Variants in SOX6 observed in about 807,000 individuals in gnomAD.
SOX6 encodes the protein transcription factor SOX-6.
In SOX6, 11 loss-of-function variants were observed where a neutral mutation model predicts 97.8. The ratio of observed to expected loss-of-function variants is 0.11; its 90% CI spans 0.07 to 0.19. SOX6 has a LOEUF of 0.19. SOX6 is among the 10% of genes least tolerant of loss of function. The pLI, the probability that SOX6 is intolerant of heterozygous loss-of-function variation, is 1.00. For synonymous variants in SOX6, 360 were observed against 371.4 expected, an observed-to-expected ratio of 0.97 and a Z score of 0.35; for missense variants, 810 against 1,039.5, an observed-to-expected ratio of 0.78 and a Z score of 3.04.
intron 6 of SOX6, among the ~76,000 whole-genome samples, chr11:16,160,544 C>T (rs529821775): frequency 1.3e-5 from 2 of 152,032 alleles, no homozygotes; most frequent in African/African-American, 4.8e-5. Context: ...AATTACTTTA[C>T]GGGGTGGAGG....
chr11:16,496,089 C>T (rs1488696569), intron 4 of SOX6, among the ~76,000 whole-genome samples: 1 of 152,150 alleles, frequency 6.6e-6, no homozygotes, highest in Non-Finnish European at 1.5e-5. Context: ...GAAGAGTCCT[C>T]TGCTATAAAT....
intron 3 of SOX6, among the ~76,000 whole-genome samples, chr11:16,656,398 C>T (rs757904679): frequency 3.3e-5 from 5 of 152,064 alleles, no homozygotes; most frequent in South Asian, 2.1e-4. Context: ...TAGTACATGA[C>T]GTACCAGGAG....
intron 6 of SOX6, among the ~76,000 whole-genome samples, chr11:16,133,035 C>G (rs1849861242): frequency 6.6e-6 from 1 of 152,038 alleles, no homozygotes. Context: ...AAAGATCTAA[C>G]TCAGACCCCA....
At chr11:16,735,649 T>C (rs1848385659) in intron 2 of SOX6, among the ~76,000 whole-genome samples, 1 of 152,220 alleles carries the variant, frequency 6.6e-6, no homozygotes, top group Non-Finnish European at 1.5e-5. Context: ...CTACATTATT[T>C]TAAGCAAGTA....
chr11:16,615,814 G>C (rs974800496), intron 3 of SOX6, among the ~76,000 whole-genome samples: 8 of 152,158 alleles, frequency 5.3e-5, no homozygotes, highest in African/African-American at 1.9e-4. Flanking sequence ...CAGATGAAAA[G>C]TGAAATTTCT....
At chr11:16,155,197 A>G (rs7126432) in intron 6 of SOX6, among the ~76,000 whole-genome samples, 8,574 of 152,152 alleles carry the variant, frequency 0.056, 631 homozygotes, top group East Asian at 0.37. Flanking sequence ...AGTGGTTAGG[A>G]TCCAGGGCTC....
At chr11:16,142,144 T>G (rs1198715744) in intron 6 of SOX6, among the ~76,000 whole-genome samples, 1 of 152,136 alleles carries the variant, frequency 6.6e-6, no homozygotes, top group African/African-American at 2.4e-5. Flanking sequence ...GGCACCCCTC[T>G]GAGACAAAGC....
intron 4 of SOX6, among the ~76,000 whole-genome samples, chr11:16,547,078 G>A (rs1209061560): frequency 1.3e-5 from 2 of 152,140 alleles, no homozygotes; most frequent in African/African-American, 2.4e-5. Context: ...TCTTGCCCCA[G>A]TTAGAATGGC....
intron 3 of SOX6, among the ~76,000 whole-genome samples, chr11:16,691,794 A>G (rs1195485454): frequency 6.6e-6 from 1 of 152,076 alleles, no homozygotes; most frequent in Non-Finnish European, 1.5e-5. Context: ...TAAAACCCTG[A>G]CTCAAAAGAA....
At chr11:16,163,843 T>C (rs1410680225) in intron 6 of SOX6, among the ~76,000 whole-genome samples, 1 of 152,202 alleles carries the variant, frequency 6.6e-6, no homozygotes. Context: ...TTTTGTCTTC[T>C]ATGAAAAGTT....
chr11:16,155,725 TTC>T (rs1850580071), intron 6 of SOX6, among the ~76,000 whole-genome samples: 1 of 152,132 alleles, frequency 6.6e-6, no homozygotes, highest in Non-Finnish European at 1.5e-5. Flanking sequence ...GGTGAACTAG[TTC>T]CAAAGTCTCT....
At chr11:16,667,432 G>A (rs1847815380) in intron 3 of SOX6, among the ~76,000 whole-genome samples, 2 of 151,586 alleles carry the variant, frequency 1.3e-5, no homozygotes, top group African/African-American at 4.9e-5. Context: ...AGATCAACAA[G>A]AGACAAGAAA....
chr11:16,312,760 T>C (rs948546127), intron 3 of SOX6: 1 of 152,184 alleles, frequency 6.6e-6, no homozygotes, highest in African/African-American at 2.4e-5. Context: ...AAAGTATTCA[T>C]TTTCTGTCGC....
intron 1 of SOX6, among the ~76,000 whole-genome samples, chr11:16,348,034 G>A (rs77228347): frequency 0.036 from 5,535 of 151,856 alleles, 120 homozygotes; most frequent in Non-Finnish European, 0.054. Flanking sequence ...AAGGGAGTGA[G>A]AGTAGAAAGG....
chr11:16,639,296 C>T (rs1260742229), intron 3 of SOX6, among the ~76,000 whole-genome samples: 1 of 152,154 alleles, frequency 6.6e-6, no homozygotes, highest in African/African-American at 2.4e-5. Flanking sequence ...GTACCAGTAC[C>T]ATGATGTTTT....
In SOX6 at chr11:16,234,627, T is replaced by C; in HGVS notation, c.490A>G (p.Lys164Glu). The change falls in exon 4 of 16, where the codon AAA becomes GAA. Residue 164 changes from lysine to glutamate, a missense_variant. Around this residue, in one of 9 missense-constraint regions of SOX6, gnomAD observed 110 missense variants for 119.0 expected, o/e 0.92. Coordinates refer to ENST00000683767, the MANE Select transcript of SOX6 (RefSeq NM_001367873.1). ...TCACTGGTATTTAGTCTTTCCATTT[T>C]TTCCTTCCAATCTTTTGAAAGTAGT... ...EKLLSKDWKEKMERLNTSELL... is the reference protein window; with the variant it reads ...EKLLSKDWKEEMERLNTSELL... The C allele has an allele frequency of 6.2e-7, 1 of 1,600,224 alleles. No homozygotes were observed. Among genetic ancestry groups the C allele is most frequent in the Admixed American group, 1.7e-5 (1 of 59,604 alleles).
chr11:16,301,375 T>C lies in SOX6; in HGVS notation c.445+17071A>G, dbSNP rs549032091. Among the ~76,000 whole-genome samples the C allele has an allele frequency of 1.1e-4, 17 of 152,302 alleles. No homozygotes were observed. The South Asian group carries it at 3.3e-3, about 30-fold the overall frequency. Reference sequence around the variant, plus strand: ...ACCATATTACATGGCTTGGACTATATATTACAGAACAATATAGTAGAGTAT... The same window carrying C: ...ACCATATTACATGGCTTGGACTATACATTACAGAACAATATAGTAGAGTAT... On this transcript the variant is annotated intron_variant, in intron 3 of 15. Coordinates refer to ENST00000683767, the MANE Select transcript of SOX6 (RefSeq NM_001367873.1).
chr11:16,384,224 T>TC (rs1857910453), intron 1 of SOX6, among the ~76,000 whole-genome samples: 1 of 151,924 alleles, frequency 6.6e-6, no homozygotes. Flanking sequence ...CAAGAAACTT[T>TC]AGGAATCAGA....
At chr11:16,206,849 C>T (rs1204017679) in intron 4 of SOX6, among the ~76,000 whole-genome samples, 1 of 152,142 alleles carries the variant, frequency 6.6e-6, no homozygotes, top group African/African-American at 2.4e-5. Flanking sequence ...ATCCCAACCT[C>T]TGGAAAGTTG....
Sources: gnomAD v4.1 joint callset for allele counts (sites outside exome capture counted in the v4.1 genomes callset) on GRCh38, gnomAD v4.1.1 for gene constraint, gnomAD v4.1.1 regional missense constraint, MANE v1.5 for transcripts, NCBI Gene and HGNC (gene_info 2026-07-23, HGNC 2026-07-21) for gene names.